ABI3BP: variants seen among roughly 807,000 people sequenced by gnomAD.
ABI3BP encodes the protein ABI family member 3 binding protein, also known as target of Nesh-SH3.
ABI3BP carries 216 observed loss-of-function variants against 268.6 expected under a neutral mutation model. The observed-to-expected ratio is 0.80, with a 90% CI of 0.72 to 0.90. The LOEUF is 0.90. Among genes scored for constraint, ABI3BP ranks in the 40% least tolerant of loss-of-function variants. The probability of loss-of-function intolerance (pLI) is 0.00; values close to 1 mark genes in which losing one functional copy is unlikely to be tolerated. For missense variants in ABI3BP, 2,090 were observed against 2,182.4 expected (o/e 0.96, Z 0.84); for synonymous variants, 730 against 730.0 (o/e 1.00, Z 0.00).
chr3:100,967,400 A>G (rs1339123750), intron 1 of ABI3BP, among the ~76,000 whole-genome samples: 2 of 151,212 alleles, frequency 1.3e-5, no homozygotes, highest in East Asian at 3.9e-4. Context: ...GCTACTCGGG[A>G]GGCTGAGGCA....
intron 53 of ABI3BP, 138 bp from the exon 54 acceptor site, chr3:100,795,141 A>G (rs1206381301): frequency 8.7e-6 from 5 of 577,820 alleles, no homozygotes; most frequent in African/African-American, 2.0e-5. Flanking sequence ...GACTTTCAGA[A>G]AAATGACTGC....
intron 57 of ABI3BP, among the ~76,000 whole-genome samples, chr3:100,784,532 C>T (rs1271620656): frequency 6.6e-6 from 1 of 152,120 alleles, no homozygotes; most frequent in African/African-American, 2.4e-5. Flanking sequence ...TACTGGGTAT[C>T]TACTTAGAGG....
At chr3:100,978,276 C>T (rs375887525) in intron 1 of ABI3BP, among the ~76,000 whole-genome samples, 43 of 152,314 alleles carry the variant, frequency 2.8e-4, no homozygotes, top group African/African-American at 1.0e-3. Context: ...CTGTGTAAGA[C>T]AAAATGACAG....
chr3:100,858,529 C>T (rs1025643096), intron 14 of ABI3BP, among the ~76,000 whole-genome samples: 1 of 152,172 alleles, frequency 6.6e-6, no homozygotes, highest in African/African-American at 2.4e-5. Context: ...AAGAATGGTA[C>T]AGAAATCTTT....
chr3:100,750,888 G>T (rs546792832), intron 67 of ABI3BP, among the ~76,000 whole-genome samples: 1 of 152,314 alleles, frequency 6.6e-6, no homozygotes, highest in South Asian at 2.1e-4. Context: ...AAAGAACTTA[G>T]TAGGTCATCT....
intron 10 of ABI3BP, among the ~76,000 whole-genome samples, 159 bp downstream of exon 10, chr3:100,866,720 T>C (rs907107029): frequency 3.9e-5 from 6 of 152,194 alleles, no homozygotes; most frequent in African/African-American, 1.4e-4. Context: ...GCAGCTATTG[T>C]TTTCCCAAAC....
intron 20 of ABI3BP, chr3:100,843,634 T>G: frequency 1.0e-6 from 1 of 979,714 alleles, no homozygotes; most frequent in Non-Finnish European, 1.2e-6. Flanking sequence ...TGAGAGAGAG[T>G]GTGTGAGAAA....
intron 44 of ABI3BP, 39 bp downstream of exon 44, chr3:100,815,873 C>T: frequency 2.0e-6 from 3 of 1,467,516 alleles, no homozygotes; most frequent in Non-Finnish European, 9.1e-7. Context: ...TTTTAAATGG[C>T]AATAAAAAGC....
chr3:100,851,225 AG>A (rs764743228), intron 15 of ABI3BP, among the ~76,000 whole-genome samples: 30 of 152,206 alleles, frequency 2.0e-4, no homozygotes, highest in Non-Finnish European at 4.1e-4. Flanking sequence ...ATTTGCTGAA[AG>A]GAGCTGTCGG....
intron 1 of ABI3BP, among the ~76,000 whole-genome samples, chr3:100,954,222 C>T (rs964322765): frequency 6.6e-6 from 1 of 152,068 alleles, no homozygotes; most frequent in Non-Finnish European, 1.5e-5. Flanking sequence ...TTGCTATTTT[C>T]TAATGTGGCA....
chr3:100,770,892 A>G lies in ABI3BP; in HGVS notation c.4592T>C (p.Val1531Ala). ...GGCCTCCTCTTTGGGGAACCGTTTG[A>G]CAGAGTCAGTAATGGAGCAGGGACT... Reference protein sequence around the residue: ...DNSPCSITDSVKRFPKEEATE... With the variant: ...DNSPCSITDSAKRFPKEEATE... The change falls in exon 62 of 68, where the codon GTC (valine) becomes GCC (alanine). Residue 1531 changes from valine to alanine, a missense_variant. Coordinates refer to ENST00000471714, the MANE Select transcript of ABI3BP (RefSeq NM_001375547.2). 1 of 1,602,428 alleles carries G rather than the reference A, an allele frequency of 6.2e-7. No individual in the cohort carries two copies. The highest frequency in any genetic ancestry group is 8.5e-7 in the Non-Finnish European group (1 of 1,174,400).
chr3:100,839,665 G>A (rs1312221240), intron 23 of ABI3BP, 49 bp from the exon 24 acceptor site: 4 of 1,519,498 alleles, frequency 2.6e-6, no homozygotes, highest in South Asian at 1.2e-5. Flanking sequence ...AAGTGGCATC[G>A]TGAGGAGGGA....
intron 1 of ABI3BP, among the ~76,000 whole-genome samples, chr3:100,987,339 ATTC>A (rs2092077089): frequency 6.6e-6 from 1 of 152,160 alleles, no homozygotes; most frequent in Non-Finnish European, 1.5e-5. Flanking sequence ...ATATTGATGA[ATTC>A]TTCTATTTTC....
rs117755831 is a variant in ABI3BP, at chr3:100,963,860, T to A, written c.79+29446A>T. On this transcript the variant is annotated intron_variant, in intron 1 of 67. Transcript: ENST00000471714. ...ACCAGCCCTGAAAGTCCTCAGTTAG[T>A]TAACACTCACTCATCCTTCAGACTT... is the stretch of plus-strand genomic sequence containing the variant. Among the ~76,000 whole-genome samples, 350 of 152,326 alleles carry A rather than the reference T, an allele frequency of 2.3e-3. 2 individuals are homozygous for A. Among genetic ancestry groups the A allele is most frequent in the East Asian group, 0.019 (99 of 5,178 alleles).
intron 65 of ABI3BP, 98 bp downstream of exon 65, chr3:100,753,721 G>T: frequency 7.2e-7 from 1 of 1,393,532 alleles, no homozygotes; most frequent in Non-Finnish European, 1.0e-6. Flanking sequence ...AAGACTAAGT[G>T]GAAAAACGCG....
At chr3:100,989,040 G>A (rs2092469200) in intron 1 of ABI3BP, among the ~76,000 whole-genome samples, 1 of 152,180 alleles carries the variant, frequency 6.6e-6, no homozygotes, top group South Asian at 2.1e-4. Context: ...TAGGAGCTGA[G>A]ACCTTTAAGA....
intron 1 of ABI3BP, among the ~76,000 whole-genome samples, chr3:100,979,903 G>C (rs2088413923): frequency 6.6e-6 from 1 of 152,154 alleles, no homozygotes; most frequent in African/African-American, 2.4e-5. Flanking sequence ...TGTGAAATGG[G>C]ATTTATTGCC....
At chr3:100,839,539 A>C in intron 24 of ABI3BP, 30 bp downstream of exon 24, 1 of 1,535,298 alleles carries the variant, frequency 6.5e-7, no homozygotes, top group Non-Finnish European at 8.7e-7. Flanking sequence ...CAACCCGTGA[A>C]AGCAGCCGTG....
intron 1 of ABI3BP, among the ~76,000 whole-genome samples, chr3:100,950,556 A>G (rs2153751503): frequency 6.6e-6 from 1 of 150,480 alleles, no homozygotes; most frequent in East Asian, 1.9e-4. Flanking sequence ...GAGAACAGGA[A>G]GAAGGAAATT....
Sources: gnomAD v4.1 joint callset for allele counts (sites outside exome capture counted in the v4.1 genomes callset) on GRCh38, gnomAD v4.1.1 for gene constraint, MANE v1.5 for transcripts, NCBI Gene and HGNC (gene_info 2026-07-23, HGNC 2026-07-21) for gene names.